The following THNSL1 variants were observed in gnomAD, a reference collection of about 807,000 sequenced individuals.
THNSL1 encodes the protein threonine synthase like 1, also known as threonine synthase-like 1.
Under a neutral mutation model 50.4 loss-of-function variants are expected in THNSL1, and 48 were observed. The ratio of observed to expected loss-of-function variants is 0.95; its 90% CI spans 0.76 to 1.21. The LOEUF (loss-of-function observed/expected upper bound fraction) is 1.21, where lower values mean the gene tolerates loss of function less well. Among genes scored for constraint, THNSL1 ranks in the 50% most tolerant of loss-of-function variants. THNSL1 has a pLI of 0.00. For synonymous variants in THNSL1, 309 were observed against 306.1 expected, an observed-to-expected ratio of 1.01 and a Z score of -0.10; for missense variants, 896 against 871.7, an observed-to-expected ratio of 1.03 and a Z score of -0.35.
At chr10:25,016,194 A>C, upstream of THNSL1, 1 of 1,174,712 alleles carries the variant, frequency 8.5e-7, no homozygotes, top group Non-Finnish European at 1.1e-6. Flanking sequence ...GGCAACGAGG[A>C]AGTGGCAGGC....
At chr10:24,980,953 T>G in the THNSL1 span, among the ~76,000 whole-genome samples, 1 of 152,178 alleles carries the variant, frequency 6.6e-6, no homozygotes, top group Non-Finnish European at 1.5e-5. Flanking sequence ...ACTCCTGACC[T>G]CAAGTGATCC....
chr10:24,976,696 G>T, the THNSL1 span, among the ~76,000 whole-genome samples: 7 of 152,098 alleles, frequency 4.6e-5, no homozygotes, highest in African/African-American at 1.7e-4. Context: ...TTTTCACCAT[G>T]TTGGCCAGGC....
the THNSL1 span, among the ~76,000 whole-genome samples, chr10:24,987,542 TTG>T: frequency 2.0e-5 from 3 of 152,182 alleles, no homozygotes; most frequent in Admixed American, 2.0e-4. Flanking sequence ...TGAGCCGTGA[TTG>T]TGCCACTGCA....
intron 1 of THNSL1, among the ~76,000 whole-genome samples, chr10:25,019,345 G>A (rs1253936502): frequency 1.3e-5 from 2 of 152,060 alleles, no homozygotes; most frequent in African/African-American, 4.8e-5. Context: ...GTGGTGGTGC[G>A]TGCCTTTAGT....
intron 1 of THNSL1, among the ~76,000 whole-genome samples, chr10:25,018,781 A>G (rs1288795131): frequency 2.7e-5 from 4 of 149,434 alleles, no homozygotes; most frequent in South Asian, 2.1e-4. Context: ...CAGGTTCTTT[A>G]TAATTCTCAA....
chr10:25,009,258 A>C, the THNSL1 span, among the ~76,000 whole-genome samples: 1 of 151,944 alleles, frequency 6.6e-6, no homozygotes, highest in African/African-American at 2.4e-5. Context: ...AGTATAATAA[A>C]AAAAAAAGTA....
At chr10:24,992,629 A>T in the THNSL1 span, among the ~76,000 whole-genome samples, 1 of 152,210 alleles carries the variant, frequency 6.6e-6, no homozygotes, top group Admixed American at 6.5e-5. Context: ...GGGTCCTGGA[A>T]GAAGGACAAG....
the THNSL1 span, among the ~76,000 whole-genome samples, chr10:24,979,613 C>T: frequency 3.3e-5 from 5 of 152,166 alleles, no homozygotes; most frequent in Non-Finnish European, 5.9e-5. Context: ...TTGCTGAGAG[C>T]TTATTCATTG....
chr10:25,010,541 C>A, the THNSL1 span, among the ~76,000 whole-genome samples: 1 of 151,486 alleles, frequency 6.6e-6, no homozygotes, highest in South Asian at 2.1e-4. Flanking sequence ...TGTGCTGCAC[C>A]CATTAACTCG....
chr10:25,000,249 C>G, the THNSL1 span, among the ~76,000 whole-genome samples: 1 of 152,070 alleles, frequency 6.6e-6, no homozygotes, highest in Admixed American at 6.6e-5. Context: ...AAAGTATGTT[C>G]TATTTTAGTA....
chr10:24,974,740 G>A, the THNSL1 span, among the ~76,000 whole-genome samples: 2 of 152,072 alleles, frequency 1.3e-5, no homozygotes. Flanking sequence ...TTATTTTTAT[G>A]TTATAAAATA....
At chr10:25,002,285 A>T in the THNSL1 span, among the ~76,000 whole-genome samples, 1 of 152,212 alleles carries the variant, frequency 6.6e-6, no homozygotes, top group Non-Finnish European at 1.5e-5. Flanking sequence ...GCTATCAACC[A>T]AAGACTTTAG....
chr10:24,985,927 G>T, the THNSL1 span, among the ~76,000 whole-genome samples: 113 of 152,268 alleles, frequency 7.4e-4, no homozygotes, highest in Non-Finnish European at 1.0e-4. Flanking sequence ...AAATAGCCAG[G>T]TGTGGTAGCA....
rs780906051 is a variant in THNSL1 at position 25,024,659 on chromosome 10, A to C, written c.1436A>C (p.Gln479Pro). 6.2e-6 allele frequency: 10 copies of C among 1,614,130 alleles called. No homozygotes were observed. The highest frequency in any genetic ancestry group is 7.6e-6 in the Non-Finnish European group (9 of 1,180,054). The change falls in exon 3 of 3, where the codon CAG (glutamine) becomes CCG (proline). Residue 479 changes from glutamine to proline, a missense_variant. Gln to Pro is a moderately conservative substitution (Grantham distance 76). Coordinates refer to ENST00000376356, the MANE Select transcript of THNSL1 (RefSeq NM_024838.5). ...NSINWGRLLP[Q>P]VVYHASAYLD... Reference sequence around the variant, plus strand: ...ATAAACTGGGGCCGACTACTTCCGCAGGTAGTTTATCATGCTTCCGCATAT... The same window carrying C: ...ATAAACTGGGGCCGACTACTTCCGCCGGTAGTTTATCATGCTTCCGCATAT...
chr10:24,987,040 G>A, the THNSL1 span, among the ~76,000 whole-genome samples: 1 of 152,196 alleles, frequency 6.6e-6, no homozygotes, highest in African/African-American at 2.4e-5. Context: ...CTTGTGGGGT[G>A]CTCCCAGCTC....
chr10:24,965,123 G>A, the THNSL1 span, among the ~76,000 whole-genome samples: 1 of 151,520 alleles, frequency 6.6e-6, no homozygotes, highest in South Asian at 2.1e-4. Context: ...TCCTGCTATT[G>A]TGGGAAAACC....
chr10:25,005,355 C>T, the THNSL1 span, among the ~76,000 whole-genome samples: 1 of 152,080 alleles, frequency 6.6e-6, no homozygotes, highest in Admixed American at 6.6e-5. Flanking sequence ...TAGTAAGTCC[C>T]ATCATTAAGA....
At chr10:24,984,614 G>C in the THNSL1 span, 297 of 1,085,560 alleles carry the variant, frequency 2.7e-4, 3 homozygotes, top group Middle Eastern at 3.4e-3. Flanking sequence ...TAAGCATTCT[G>C]ATTAAGACTA....
chr10:25,013,057 A>G (rs372911625), upstream of THNSL1, among the ~76,000 whole-genome samples: 153 of 152,280 alleles, frequency 1.0e-3, no homozygotes, highest in African/African-American at 3.6e-3. Context: ...ATGGTTTTAT[A>G]AAGGGGAGTT....
Sources: allele counts gnomAD v4.1 joint callset (sites outside exome capture counted in the v4.1 genomes callset), GRCh38; gene constraint gnomAD v4.1.1; transcripts MANE v1.5; gene names NCBI Gene and HGNC (gene_info 2026-07-23, HGNC 2026-07-21).